Variants in SLCO1B1 observed in about 807,000 individuals in gnomAD.
The protein encoded by SLCO1B1 is solute carrier organic anion transporter family member 1B1.
A neutral mutation model predicts 70.1 loss-of-function variants in SLCO1B1; 81 were observed. The ratio of observed to expected loss-of-function variants is 1.16; its 90% confidence interval spans 0.97 to 1.39. The LOEUF (loss-of-function observed/expected upper bound fraction) is 1.39, where lower values mean the gene tolerates loss of function less well. Ranked by LOEUF, SLCO1B1 falls within the 40% of genes most tolerant of loss-of-function variation. The pLI, the probability that SLCO1B1 is intolerant of heterozygous loss-of-function variation, is 0.00. For synonymous variants in SLCO1B1, 283 were observed against 271.5 expected (o/e 1.04, Z -0.42); for missense variants, 895 against 799.6 (o/e 1.12, Z -1.44).
chr12:21,165,708 G>A (rs774270987), intron 2 of SLCO1B1, among the ~76,000 whole-genome samples: 5 of 152,140 alleles, frequency 3.3e-5, no homozygotes, highest in Non-Finnish European at 7.4e-5. Context: ...AGAAAATGCT[G>A]GAGAGCTCAC....
At chr12:21,193,375 A>G (rs977605194) in intron 7 of SLCO1B1, among the ~76,000 whole-genome samples, 4 of 152,094 alleles carry the variant, frequency 2.6e-5, no homozygotes, top group Non-Finnish European at 5.9e-5. Flanking sequence ...GGATTTTGGT[A>G]TCCATAGGGA....
At chr12:21,163,796 C>T (rs1940652229) in intron 2 of SLCO1B1, among the ~76,000 whole-genome samples, 1 of 152,124 alleles carries the variant, frequency 6.6e-6, no homozygotes, top group African/African-American at 2.4e-5. Context: ...GATACCATCA[C>T]ATTGGGTTAG....
At chr12:21,183,415 C>T (rs986457405) in intron 7 of SLCO1B1, among the ~76,000 whole-genome samples, 7 of 152,150 alleles carry the variant, frequency 4.6e-5, no homozygotes, top group African/African-American at 1.7e-4. Flanking sequence ...AGGCTGATCT[C>T]AAACTTCTGG....
At chr12:21,183,015 A>G (rs2417961) in intron 7 of SLCO1B1, among the ~76,000 whole-genome samples, 106,319 of 152,152 alleles carry the variant, frequency 0.7, 38,143 homozygotes, top group South Asian at 0.89. Flanking sequence ...AGAGCGGGAG[A>G]TTGGGGGGGT....
At chr12:21,171,981 T>C (rs1052953306) in intron 2 of SLCO1B1, among the ~76,000 whole-genome samples, 10 of 152,146 alleles carry the variant, frequency 6.6e-5, no homozygotes, top group African/African-American at 2.4e-4. Context: ...CACTGGAAAT[T>C]AGAGTTTCAA....
intron 1 of SLCO1B1, among the ~76,000 whole-genome samples, chr12:21,135,347 G>T (rs1940202581): frequency 6.6e-6 from 1 of 152,132 alleles, no homozygotes; most frequent in Non-Finnish European, 1.5e-5. Context: ...ATGTCTATTA[G>T]GTCCGCTTGG....
At chr12:21,205,791 T>C (rs1941208609) in intron 10 of SLCO1B1, 77 bp from the exon 11 acceptor site, 2 of 1,096,362 alleles carry the variant, frequency 1.8e-6, no homozygotes, top group Admixed American at 2.0e-5. Flanking sequence ...TTCACTTTAC[T>C]TCTTCCTTCT....
chr12:21,165,057 A>G (rs1162585173), intron 2 of SLCO1B1, among the ~76,000 whole-genome samples: 1 of 152,132 alleles, frequency 6.6e-6, no homozygotes, highest in Non-Finnish European at 1.5e-5. Flanking sequence ...ATGTTTCTTG[A>G]GTAAATCAGT....
intron 11 of SLCO1B1, among the ~76,000 whole-genome samples, chr12:21,213,604 G>A (rs753913494): frequency 0.04 from 5,326 of 134,634 alleles, 108 homozygotes; most frequent in Non-Finnish European, 0.054. Flanking sequence ...GAATCTGAAC[G>A]TTGGCCTGCC....
At chr12:21,232,096 T>G (rs2121205004) in intron 14 of SLCO1B1, among the ~76,000 whole-genome samples, 1 of 152,144 alleles carries the variant, frequency 6.6e-6, no homozygotes, top group African/African-American at 2.4e-5. Context: ...AAGCCAGAAG[T>G]TGGTCATGGA....
intron 14 of SLCO1B1, among the ~76,000 whole-genome samples, chr12:21,228,648 A>G (rs976903132): frequency 6.6e-6 from 1 of 152,318 alleles, no homozygotes; most frequent in Non-Finnish European, 1.5e-5. Flanking sequence ...GACTCAGTCT[A>G]TTGTTGCTGG....
At chr12:21,227,432 A>G (rs972839888) in intron 14 of SLCO1B1, among the ~76,000 whole-genome samples, 2 of 152,116 alleles carry the variant, frequency 1.3e-5, no homozygotes, top group African/African-American at 4.8e-5. Flanking sequence ...CCTAGGATCA[A>G]ATTTACCAAA....
chr12:21,150,038 A>T (rs566673491), intron 2 of SLCO1B1, among the ~76,000 whole-genome samples: 16 of 152,148 alleles, frequency 1.1e-4, no homozygotes, highest in African/African-American at 3.1e-4. Context: ...GCCATTACTG[A>T]GGCTTGAGTA....
At chr12:21,222,858 A>G (rs543509985) in intron 13 of SLCO1B1, among the ~76,000 whole-genome samples, 13 of 152,296 alleles carry the variant, frequency 8.5e-5, no homozygotes, top group East Asian at 1.9e-4. Flanking sequence ...CCAAATTACA[A>G]TGAAGAAATT....
intron 12 of SLCO1B1, among the ~76,000 whole-genome samples, chr12:21,221,963 ATT>A (rs1430009605): frequency 6.6e-6 from 1 of 152,118 alleles, no homozygotes; most frequent in Non-Finnish European, 1.5e-5. Context: ...TTTCACACTT[ATT>A]ATAACACTGA....
At chr12:21,228,130 A>T (rs985919929) in intron 14 of SLCO1B1, among the ~76,000 whole-genome samples, 1 of 152,050 alleles carries the variant, frequency 6.6e-6, no homozygotes. Context: ...ACATCCCCAC[A>T]TATTTATCAT....
At chr12:21,153,834 G>C (rs1411961477) in intron 2 of SLCO1B1, among the ~76,000 whole-genome samples, 1 of 151,718 alleles carries the variant, frequency 6.6e-6, no homozygotes, top group Admixed American at 6.6e-5. Flanking sequence ...ATGTTTCTAT[G>C]TCTATTTGGG....
rs372848186 is a variant in SLCO1B1 at position 21,220,024 on chromosome 12, G to A, written c.1683-2276G>A. 2.7e-4 allele frequency among the ~76,000 whole-genome samples: 41 copies of A among 152,316 alleles called. No individual in the cohort carries two copies. In the East Asian group the frequency reaches 7.5e-3, roughly 28 times the overall value. On this transcript the variant is annotated intron_variant, in intron 12 of 14. Transcript: ENST00000256958. ...GATCTGCTAGCCTCTGCCTCTCAAAGTGCTGGGATTACAGGCCTGAGCCAC... is the reference window on the plus strand; with the variant it reads ...GATCTGCTAGCCTCTGCCTCTCAAAATGCTGGGATTACAGGCCTGAGCCAC...
In SLCO1B1 at chr12:21,239,722, C is replaced by T. The variant is rs1278669796; in HGVS notation, c.*533C>T. Among the ~76,000 whole-genome samples the T allele has an allele frequency of 6.6e-6, 1 of 152,114 alleles. No individual in the cohort carries two copies. Among genetic ancestry groups the T allele is most frequent in the African/African-American group, 2.4e-5 (1 of 41,428 alleles). The stretch of plus-strand genomic sequence containing the variant: ...ACAGACTTTATCAATGTATAATTAA[C>T]AATTATCTTGTTTAAGTAAATTTAG... On this transcript the variant is annotated 3_prime_UTR_variant, in exon 15 of 15. Transcript: ENST00000256958.
Sources: allele counts gnomAD v4.1 joint callset (sites outside exome capture counted in the v4.1 genomes callset), GRCh38; gene constraint gnomAD v4.1.1; transcripts MANE v1.5; gene names NCBI Gene and HGNC (gene_info 2026-07-23, HGNC 2026-07-21).